Variants in MYO5B observed in about 807,000 individuals in gnomAD.
MYO5B encodes the protein myosin VB.
MYO5B carries 143 observed loss-of-function variants against 229.3 expected under a neutral mutation model. The ratio of observed to expected loss-of-function variants is 0.62; its 90% CI spans 0.54 to 0.72. The LOEUF (loss-of-function observed/expected upper bound fraction) is 0.72, where lower values mean the gene tolerates loss of function less well. Ranked by LOEUF, MYO5B falls within the 30% of genes least tolerant of loss-of-function variation. MYO5B has a pLI of 0.00. For synonymous variants in MYO5B, 918 were observed against 885.2 expected (o/e 1.04, Z -0.66); for missense variants, 2,321 against 2,331.0 (o/e 1.00, Z 0.09).
At chr18:49,830,829 C>CA (rs59785909) in intron 39 of MYO5B, among the ~76,000 whole-genome samples, 6,435 of 68,048 alleles carry the variant, frequency 0.095, 189 homozygotes, top group African/African-American at 0.12. Context: ...GACTCTGTCT[C>CA]AAAAAAAAAA....
rs140364977 is a variant in MYO5B at position 49,948,291 on chromosome 18, T to C, written c.1752+4969A>G. The stretch of plus-strand genomic sequence containing the variant: ...ATAATAAACACATTTTTCCTTTCAA[T>C]CAATTCTTTTTACATGACTAATGGT... On this transcript the variant is annotated intron_variant, in intron 14 of 39. Coordinates refer to ENST00000285039, the MANE Select transcript of MYO5B (RefSeq NM_001080467.3). Among the ~76,000 whole-genome samples the C allele has an allele frequency of 3.2e-3, 493 of 152,272 alleles. 1 individual carries two copies. The highest frequency in any genetic ancestry group is 4.3e-3 in the Non-Finnish European group (293 of 68,008).
intron 1 of MYO5B, among the ~76,000 whole-genome samples, chr18:50,059,062 G>A (rs1221454822): frequency 6.6e-6 from 1 of 152,126 alleles, no homozygotes; most frequent in Non-Finnish European, 1.5e-5. Flanking sequence ...TTCTGGTTTT[G>A]CAGTCATTTC....
chr18:50,159,000 G>A (rs931535163), intron 1 of MYO5B, among the ~76,000 whole-genome samples: 46 of 152,188 alleles, frequency 3.0e-4, no homozygotes, highest in African/African-American at 1.1e-3. Context: ...GCTGCACAAA[G>A]CCCTGCAAAT....
intron 17 of MYO5B, among the ~76,000 whole-genome samples, chr18:49,917,013 G>C (rs1186601557): frequency 6.6e-6 from 1 of 152,166 alleles, no homozygotes; most frequent in Non-Finnish European, 1.5e-5. Context: ...CCTAAAGCTG[G>C]AACAGCCCAC....
At chr18:49,908,012 G>T (rs1156498403) in intron 18 of MYO5B, among the ~76,000 whole-genome samples, 1 of 152,202 alleles carries the variant, frequency 6.6e-6, no homozygotes, top group Non-Finnish European at 1.5e-5. Flanking sequence ...GCCAGGAGGG[G>T]TTAGGAAGCC....
intron 14 of MYO5B, among the ~76,000 whole-genome samples, chr18:49,941,666 T>C (rs1027465369): frequency 1.3e-5 from 2 of 151,834 alleles, no homozygotes; most frequent in Non-Finnish European, 2.9e-5. Flanking sequence ...TGAAATAAAT[T>C]TTCCTCCCTC....
intron 1 of MYO5B, among the ~76,000 whole-genome samples, chr18:50,084,008 A>G (rs765390160): frequency 2.3e-4 from 35 of 152,200 alleles, no homozygotes; most frequent in Non-Finnish European, 3.8e-4. Flanking sequence ...CAGGCAAGTC[A>G]TATCATCTCC....
At chr18:50,054,125 C>G (rs1322304272) in intron 2 of MYO5B, among the ~76,000 whole-genome samples, 2 of 152,164 alleles carry the variant, frequency 1.3e-5, no homozygotes, top group Non-Finnish European at 2.9e-5. Context: ...TCCTGGAACA[C>G]AAGAAGGTCT....
chr18:49,941,339 C>T (rs763906252), intron 14 of MYO5B, among the ~76,000 whole-genome samples: 2 of 152,214 alleles, frequency 1.3e-5, no homozygotes, highest in Non-Finnish European at 1.5e-5. Context: ...AGCCCATTCT[C>T]ACTGCTGGCT....
At chr18:50,069,745 T>A (rs1230922708) in intron 1 of MYO5B, among the ~76,000 whole-genome samples, 1 of 152,140 alleles carries the variant, frequency 6.6e-6, no homozygotes, top group Non-Finnish European at 1.5e-5. Flanking sequence ...AACCTAGATA[T>A]GCTCAGATCC....
At chr18:50,163,278 G>A (rs1176937281) in intron 1 of MYO5B, among the ~76,000 whole-genome samples, 1 of 152,120 alleles carries the variant, frequency 6.6e-6, no homozygotes, top group Non-Finnish European at 1.5e-5. Flanking sequence ...AATCCACCCT[G>A]ACATACAGAA....
At position 49,980,514 on chromosome 18, in the gene MYO5B, A is replaced by G. The variant is rs1598928778; in HGVS notation, c.986T>C (p.Ile329Thr). 3.1e-6 allele frequency: 5 copies of G among 1,613,916 alleles called. No homozygotes were observed. Among genetic ancestry groups the G allele is most frequent in the South Asian group, 1.1e-5 (1 of 91,080 alleles). The change falls in exon 9 of 40, where the codon ATT becomes ACT. Residue 329 changes from isoleucine to threonine, a missense_variant. Ile to Thr is a moderately conservative substitution (Grantham distance 89). Around this residue, in one of 2 missense-constraint regions of MYO5B, gnomAD observed 2,113 missense variants for 2,044.7 expected, o/e 1.03. Coordinates refer to ENST00000285039, the MANE Select transcript of MYO5B (RefSeq NM_001080467.3). The stretch of plus-strand genomic sequence containing the variant: ...ACTTCCAAGGTGCAAGATAGAAGCA[A>G]TTATCTTAAAAATGCTCATCTGATG... Reference protein sequence around the residue: ...ESHQMSIFKIIASILHLGSVA... With the variant: ...ESHQMSIFKITASILHLGSVA...
chr18:49,996,502 A>G (rs2025988928), intron 5 of MYO5B, among the ~76,000 whole-genome samples: 1 of 152,242 alleles, frequency 6.6e-6, no homozygotes, highest in Non-Finnish European at 1.5e-5. Flanking sequence ...ACTAGAACAC[A>G]GCTCATGGAT....
At chr18:49,853,689 G>A in intron 30 of MYO5B, 42 bp from the exon 31 acceptor site, 2 of 1,589,574 alleles carry the variant, frequency 1.3e-6, no homozygotes, top group Non-Finnish European at 1.7e-6. Flanking sequence ...GCCCAGGCCA[G>A]GGCCCCCATC....
chr18:49,889,356 T>C (rs1006630176), intron 22 of MYO5B, among the ~76,000 whole-genome samples: 6 of 152,184 alleles, frequency 3.9e-5, no homozygotes, highest in Admixed American at 6.5e-5. Flanking sequence ...TTTCTAGACA[T>C]ACAAGTAAAA....
rs1407420528 is a variant in MYO5B, at chr18:49,835,364, C to T, written c.5374G>A (p.Ala1792Thr). The T allele has an allele frequency of 6.2e-7, 1 of 1,610,732 alleles. No homozygotes were observed. Among genetic ancestry groups the T allele is most frequent in the South Asian group, 1.1e-5 (1 of 90,968 alleles). Residue 1792 changes from alanine to threonine, a missense_variant, in exon 39 of 40, where the codon GCC (alanine) becomes ACC (threonine). Ala to Thr is a moderately conservative substitution (Grantham distance 58). Coordinates refer to ENST00000285039, the MANE Select transcript of MYO5B (RefSeq NM_001080467.3). ...CTCACCTGGATTGTTCGTATAAAGGCCACTGTTACCCGTTCTTCAAATTCA... is the reference window on the plus strand; with the variant it reads ...CTCACCTGGATTGTTCGTATAAAGGTCACTGTTACCCGTTCTTCAAATTCA... Reference protein sequence around the residue: ...LNEFEERVTVAFIRTIQAQLQ... With the variant: ...LNEFEERVTVTFIRTIQAQLQ...
At chr18:50,118,620 G>T (rs2032005911) in intron 1 of MYO5B, among the ~76,000 whole-genome samples, 1 of 141,234 alleles carries the variant, frequency 7.1e-6, no homozygotes. Context: ...TGCCATGTTG[G>T]CATTTCTTTT....
chr18:50,067,575 A>C (rs2030852903), intron 1 of MYO5B, among the ~76,000 whole-genome samples: 1 of 152,162 alleles, frequency 6.6e-6, no homozygotes, highest in Non-Finnish European at 1.5e-5. Context: ...CCTGATGAAT[A>C]GATTAATGCC....
intron 12 of MYO5B, among the ~76,000 whole-genome samples, chr18:49,955,807 T>C (rs188219718): frequency 6.6e-6 from 1 of 152,294 alleles, no homozygotes; most frequent in African/African-American, 2.4e-5. Context: ...AAGCATTCTG[T>C]GTTTAGAACC....
Sources: gnomAD v4.1 joint callset for allele counts (sites outside exome capture counted in the v4.1 genomes callset) on GRCh38, gnomAD v4.1.1 for gene constraint, gnomAD v4.1.1 regional missense constraint, MANE v1.5 for transcripts, NCBI Gene and HGNC (gene_info 2026-07-23, HGNC 2026-07-21) for gene names.